Variants in OPLAH observed in about 807,000 individuals in gnomAD.
OPLAH encodes 5-oxoprolinase.
A neutral mutation model predicts 122.8 loss-of-function variants in OPLAH; 103 were observed. The observed-to-expected ratio is 0.84, with a 90% confidence interval of 0.71 to 0.99. OPLAH has a LOEUF of 0.99. Ranked by LOEUF, OPLAH falls within the 50% of genes least tolerant of loss-of-function variation. OPLAH has a pLI of 0.00. For synonymous variants in OPLAH, 875 were observed against 796.0 expected, an observed-to-expected ratio of 1.10 and a Z score of -1.67; for missense variants, 1,902 against 1,836.5, an observed-to-expected ratio of 1.04 and a Z score of -0.65.
In OPLAH at chr8:144,059,041, C is replaced by T. The variant is rs200748510; in HGVS notation, c.402G>A (p.Leu134=). The change falls in exon 4 of 27, where the codon CTG becomes CTA. Residue 134 remains leucine, a synonymous_variant. Coordinates refer to ENST00000618853, the MANE Select transcript of OPLAH (RefSeq NM_017570.5). ...GCAGCACCACGCGTTCGTCCACCTC[C>T]AGCACCTCTTCATACAGCACCTCAG... ...PMPEVLYEEV[L]EVDERVVLHR... The T allele has an allele frequency of 7.4e-4, 1,173 of 1,590,364 alleles. 11 individuals carry two copies. The African/African-American group carries it at 0.014, about 19-fold the overall frequency.
In OPLAH at chr8:144,056,953, G is replaced by A. The variant is rs782690815; in HGVS notation, c.1701C>T (p.Phe567=). ...AGGGCACCCTGGGAGCCCACCTGGG[G>A]AAGCCCTGGGCCTGCAGAGCATCCA... The part of the protein sequence containing the change: ...QCVDALQAQG[F]PRSQISTESF... The change falls in exon 12 of 27, where the codon TTC becomes TTT. Residue 567 remains phenylalanine, a synonymous_variant. Coordinates refer to ENST00000618853, the MANE Select transcript of OPLAH (RefSeq NM_017570.5). 5.7e-6 allele frequency: 9 copies of A among 1,572,894 alleles called. No individual in the cohort carries two copies. Among genetic ancestry groups the A allele is most frequent in the Non-Finnish European group, 7.7e-6 (9 of 1,162,386 alleles).
chr8:144,051,226 C>T, downstream of OPLAH: 2 of 1,553,168 alleles, frequency 1.3e-6, no homozygotes, highest in East Asian at 2.3e-5. Flanking sequence ...AGATGAGGGG[C>T]GCGCGGCTGG....
At position 144,054,930 on chromosome 8, in the gene OPLAH, G is replaced by A. The variant is rs1554758589; in HGVS notation, c.2410-17C>T. 6.3e-7 allele frequency: 1 copy of A among 1,575,602 alleles called. No individual in the cohort carries two copies. The highest frequency in any genetic ancestry group is 8.6e-7 in the Non-Finnish European group (1 of 1,156,368). ...GTGCTGAATCTGAAACCAGGAGATG[G>A]GTGCAGAGTGGGCACAGGGGAGCAG... On this transcript the variant is annotated splice_polypyrimidine_tract_variant and intron_variant, in intron 17 of 26. Transcript: ENST00000618853.
intron 19 of OPLAH, 85 bp downstream of exon 19, chr8:144,054,476 T>A: frequency 7.2e-7 from 1 of 1,394,922 alleles, no homozygotes; most frequent in Non-Finnish European, 9.6e-7. Context: ...ATGGGCTGCA[T>A]CCCACGGTCC....
Position 144,057,465 on chromosome 8 carries a change from T to C in OPLAH, c.1405A>G (p.Ile469Val), listed in dbSNP as rs782065686. Residue 469 changes from isoleucine (I) to valine (V), a missense_variant, in exon 10 of 27, where the codon ATC (isoleucine) becomes GTC (valine). Around this residue, in one of 3 missense-constraint regions of OPLAH, gnomAD observed 1,726 missense variants for 1,642.1 expected, o/e 1.05. Transcript: ENST00000618853. ...GGACGTACCTGCGTGAGTGCACGGA[T>C]GGGCCGGCACATGGCCTCGTTGGCC... ...RVANEAMCRP[I>V]RALTQARGHD... The C allele has an allele frequency of 5.7e-6, 9 of 1,589,262 alleles. No individual in the cohort carries two copies. The South Asian group carries it at 1.0e-4, about 18-fold the overall frequency.
chr8:144,058,829 C>T lies in OPLAH; in HGVS notation c.531G>A (p.Glu177=), dbSNP rs1184756488. The change falls in exon 5 of 27, where the codon GAG becomes GAA. Residue 177 remains glutamate (E), a synonymous_variant. Coordinates refer to ENST00000618853, the MANE Select transcript of OPLAH (RefSeq NM_017570.5). ...VDLGALRGKL[E]GLLSRGIRSL... ...TGCGGATGCCTCGAGATAGCAGCCC[C>T]TCCAGCTTCCCACGCAGGGCCCCCA... is the stretch of plus-strand genomic sequence containing the variant. 8 of 1,592,632 alleles carry T rather than the reference C, an allele frequency of 5.0e-6. No homozygotes were observed. The highest frequency in any genetic ancestry group is 6.8e-6 in the Non-Finnish European group (8 of 1,170,478).
chr8:144,059,999 T>A lies in OPLAH; in HGVS notation c.34A>T (p.Ile12Phe). ...GSPEGRFHFA[I>F]DRGGTFTDVF... ...TCTGTGAAGGTACCCCCACGGTCGA[T>A]GGCAAAGTGGAAGCGGCCCTCGGGG... Residue 12 changes from isoleucine (I) to phenylalanine (F), a missense_variant, in exon 2 of 27, where the codon ATC becomes TTC. Physicochemically the swap from Ile to Phe is conservative, Grantham distance 21 (BLOSUM62 0). Around this residue, in one of 3 missense-constraint regions of OPLAH, gnomAD observed 168 missense variants for 170.6 expected, o/e 0.98. Coordinates refer to ENST00000618853, the MANE Select transcript of OPLAH (RefSeq NM_017570.5). The A allele has an allele frequency of 6.2e-7, 1 of 1,612,662 alleles. No individual in the cohort carries two copies. Among genetic ancestry groups the A allele is most frequent in the Non-Finnish European group, 8.5e-7 (1 of 1,179,782 alleles).
intron 24 of OPLAH, 38 bp from the exon 25 acceptor site, chr8:144,052,114 C>T (rs1554757819): frequency 5.8e-6 from 9 of 1,552,558 alleles, no homozygotes; most frequent in Non-Finnish European, 6.1e-6. Context: ...CTCAGCGTGG[C>T]CCGAGCCCCG....
rs1554759073 is a variant in OPLAH, at chr8:144,056,372, C to T, written c.1983+13G>A. 1.3e-6 allele frequency: 2 copies of T among 1,599,544 alleles called. No homozygotes were observed. Among genetic ancestry groups the T allele is most frequent in the Admixed American group, 3.4e-5 (2 of 58,746 alleles). On this transcript the variant is annotated intron_variant, in intron 14 of 26. Coordinates refer to ENST00000618853, the MANE Select transcript of OPLAH (RefSeq NM_017570.5). ...ATGGGTGCTGTCAGGCTGGCACAGG[C>T]AGGACCACCAACCTTGTCCACCCGG...
At position 144,055,269 on chromosome 8, in the gene OPLAH, C is replaced by T; in HGVS notation, c.2249-80G>A. The stretch of plus-strand genomic sequence containing the variant: ...CAGGAAAGGGAGGAACAGGACCCAC[C>T]AGGACTCAAACCCAGGACCCAGGAA... On this transcript the variant is annotated intron_variant, in intron 16 of 26. Coordinates refer to ENST00000618853, the MANE Select transcript of OPLAH (RefSeq NM_017570.5). The surrounding 1 kb of genome is among the most constrained non-coding windows in gnomAD (Gnocchi z 6.5). The T allele has an allele frequency of 2.1e-6, 3 of 1,407,752 alleles. No individual in the cohort carries two copies. Among genetic ancestry groups the T allele is most frequent in the Non-Finnish European group, 2.8e-6 (3 of 1,068,848 alleles). 87.2% of individuals were successfully genotyped at this position (1,407,752 alleles called of 1,614,324 possible).
rs782659965 is a variant in OPLAH at position 144,057,230 on chromosome 8, T to C, written c.1513A>G (p.Met505Val). 25 of 1,612,030 alleles carry C rather than the reference T, an allele frequency of 1.6e-5. No individual in the cohort carries two copies. The Admixed American group carries it at 2.3e-4, about 15-fold the overall frequency. Reference sequence around the variant, plus strand: ...CACCTGTGGATGTGCACCGTGTCCATGCCCAGGGCCCGGGCGATGGCACAT... The same window carrying C: ...CACCTGTGGATGTGCACCGTGTCCACGCCCAGGGCCCGGGCGATGGCACAT... ...HACAIARALG[M>V]DTVHIHRHSG... Residue 505 changes from methionine to valine, a missense_variant, in exon 11 of 27, where the codon ATG (methionine) becomes GTG (valine). Around this residue, in one of 3 missense-constraint regions of OPLAH, gnomAD observed 1,726 missense variants for 1,642.1 expected, o/e 1.05. Transcript: ENST00000618853.
rs202131088 is a variant in OPLAH at position 144,057,963 on chromosome 8, G to T, written c.1089-40C>A. ...GGCTGGGGTTGGAGTTGGACACGAG[G>T]AGGGAGACAGGGCTGGGGTCCCAGC... is the stretch of plus-strand genomic sequence containing the variant. On this transcript the variant is annotated intron_variant, in intron 8 of 26. Coordinates refer to ENST00000618853, the MANE Select transcript of OPLAH (RefSeq NM_017570.5). The T allele has an allele frequency of 2.5e-4, 395 of 1,612,046 alleles. 2 individuals carry two copies. The Middle Eastern group carries it at 4.5e-3, about 18-fold the overall frequency.
In OPLAH at chr8:144,059,890, G is replaced by A; in HGVS notation, c.143C>T (p.Thr48Ile). Reference sequence around the variant, plus strand: ...CTCCAGGATGCGGCGGATGCCTTCGGTTGGCGCGTCCGCATAGTTGGCAGG... The same window carrying A: ...CTCCAGGATGCGGCGGATGCCTTCGATTGGCGCGTCCGCATAGTTGGCAGG... The part of the protein sequence containing the change: ...EDPANYADAP[T>I]EGIRRILEQE... Residue 48 changes from threonine to isoleucine, a missense_variant, in exon 2 of 27, where the codon ACC becomes ATC. Thr to Ile is a moderately conservative substitution (Grantham distance 89). Transcript: ENST00000618853. The A allele has an allele frequency of 6.2e-7, 1 of 1,612,790 alleles. No homozygotes were observed. Among genetic ancestry groups the A allele is most frequent in the Non-Finnish European group, 8.5e-7 (1 of 1,179,822 alleles).
Position 144,054,952 on chromosome 8 carries a change from G to C in OPLAH, c.2410-39C>G, listed in dbSNP as rs1554758603. On this transcript the variant is annotated intron_variant, in intron 17 of 26. Coordinates refer to ENST00000618853, the MANE Select transcript of OPLAH (RefSeq NM_017570.5). Reference sequence around the variant, plus strand: ...ATGGGTGCAGAGTGGGCACAGGGGAGCAGGGGCCAGAGCGGGGTGGGGGGG... The same window carrying C: ...ATGGGTGCAGAGTGGGCACAGGGGACCAGGGGCCAGAGCGGGGTGGGGGGG... 3 of 1,281,122 alleles carry C rather than the reference G, an allele frequency of 2.3e-6. No homozygotes were observed. The Admixed American group carries it at 6.7e-5, about 29-fold the overall frequency. The allele number at this position is 1,281,122 out of a possible 1,614,324, so 79.4% of individuals were successfully genotyped here. A position where few individuals can be genotyped will look rare whatever the true frequency, so the allele number is the denominator to read the frequency against.
rs534173138 is a variant in OPLAH, at chr8:144,053,517, C to G, written c.2687-124G>C. ...CACCGAGGCCTGGCCTGGGACTGCT[C>G]AGCACCTCAGGAAAGCCCCTCTCCT... is the stretch of plus-strand genomic sequence containing the variant. On this transcript the variant is annotated intron_variant, in intron 19 of 26. Coordinates refer to ENST00000618853, the MANE Select transcript of OPLAH (RefSeq NM_017570.5). 5 of 909,344 alleles carry G rather than the reference C, an allele frequency of 5.5e-6. No homozygotes were observed. The African/African-American group carries it at 8.3e-5, about 15-fold the overall frequency. The allele number at this position is 909,344 out of a possible 1,614,324, so 56.3% of individuals were successfully genotyped here. A position where few individuals can be genotyped will look rare whatever the true frequency, so the allele number is the denominator to read the frequency against.
In OPLAH at chr8:144,051,754, T is replaced by C. The variant is rs782609382; in HGVS notation, c.3695A>G (p.Lys1232Arg). The C allele has an allele frequency of 1.9e-6, 3 of 1,606,686 alleles. No individual in the cohort carries two copies. The East Asian group carries it at 6.7e-5, about 36-fold the overall frequency. The change falls in exon 26 of 27, where the codon AAG becomes AGG. Residue 1232 changes from lysine to arginine, a missense_variant. Around this residue, in one of 3 missense-constraint regions of OPLAH, gnomAD observed 1,726 missense variants for 1,642.1 expected, o/e 1.05. Transcript: ENST00000618853. ...KNGRTVNLGG[K>R]TSVTVYPGDV... is the part of the protein sequence containing the mutation. ...CCCGGGGTACACGGTCACCGACGTC[T>C]TGCCGCCCAGATTCACCGTCCGGCC...
rs782143611 is a variant in OPLAH, at chr8:144,058,229, G to A, written c.949+10C>T. ...AGCCTCCCCGAGACCCCAGCCCTCG[G>A]CCCTCATACCTCCCATGTCAAAGCC... On this transcript the variant is annotated intron_variant, in intron 7 of 26. Coordinates refer to ENST00000618853, the MANE Select transcript of OPLAH (RefSeq NM_017570.5). 18 of 1,605,722 alleles carry A rather than the reference G, an allele frequency of 1.1e-5. No individual in the cohort carries two copies. The East Asian group carries it at 4.0e-4, about 36-fold the overall frequency.
In OPLAH at chr8:144,054,784, G is replaced by T. The variant is rs1554758546; in HGVS notation, c.2511+28C>A. ...AGCTGCATCGGCCACCACTGCCCCA[G>T]CAGAGGCAGGCGGGCAGCACCCCTC... On this transcript the variant is annotated intron_variant, in intron 18 of 26. Transcript: ENST00000618853. 6.8e-6 allele frequency: 11 copies of T among 1,612,050 alleles called. No homozygotes were observed. The South Asian group carries it at 1.2e-4, about 18-fold the overall frequency.
At position 144,053,067 on chromosome 8, in the gene OPLAH, C is replaced by A. The variant is rs782475410; in HGVS notation, c.2934G>T (p.Arg978=). Residue 978 remains arginine, a synonymous_variant, in exon 21 of 27, where the codon CGG becomes CGT. Transcript: ENST00000618853. ...LRAFGTSRQA[R]GLPLEVSSED... ...CCGAGGACACCTCCAGGGGCAGGCC[C>A]CGGGCCTGCCGGGAGGTTCCAAAGG... 1 of 1,601,372 alleles carries A rather than the reference C, an allele frequency of 6.2e-7. No individual in the cohort carries two copies. Among genetic ancestry groups the A allele is most frequent in the Non-Finnish European group, 8.5e-7 (1 of 1,174,966 alleles).
Sources: gnomAD v4.1 joint callset for allele counts on GRCh38, gnomAD v4.1.1 for gene constraint, gnomAD v4.1.1 regional missense constraint, Gnocchi (gnomAD v3.1) non-coding constraint, MANE v1.5 for transcripts, NCBI Gene and HGNC (gene_info 2026-07-23, HGNC 2026-07-21) for gene names.